FAM174A: variants seen among roughly 807,000 people sequenced by gnomAD.
FAM174A encodes membrane protein FAM174A.
Under a neutral mutation model 14.3 loss-of-function variants are expected in FAM174A, and 14 were observed. That is an observed-to-expected ratio of 0.98 (90% CI 0.65 to 1.53). The LOEUF (loss-of-function observed/expected upper bound fraction) is 1.53. Among genes scored for constraint, FAM174A ranks in the 40% most tolerant of loss-of-function variants. The pLI is 0.00. For missense variants in FAM174A, 241 were observed against 249.6 expected (o/e 0.97, Z 0.23); for synonymous variants, 108 against 111.4 (o/e 0.97, Z 0.19).
intron 1 of FAM174A, among the ~76,000 whole-genome samples, chr5:100,552,013 C>T (rs138073705): frequency 3.6e-4 from 55 of 152,212 alleles, no homozygotes; most frequent in African/African-American, 1.2e-3. Flanking sequence ...CGCAGTTCAA[C>T]CTGTAACATG....
chr5:100,559,053 C>T (rs1390420100), intron 1 of FAM174A, among the ~76,000 whole-genome samples: 2 of 152,090 alleles, frequency 1.3e-5, no homozygotes, highest in Admixed American at 1.3e-4. Flanking sequence ...TACAGTTTAG[C>T]ATGTTTTTGC....
intron 2 of FAM174A, among the ~76,000 whole-genome samples, chr5:100,563,034 A>G (rs999008040): frequency 6.6e-6 from 1 of 151,852 alleles, no homozygotes; most frequent in African/African-American, 2.4e-5. Context: ...GACTCAACAA[A>G]AATTGGACTA....
Position 100,535,971 on chromosome 5 carries a change from C to T in FAM174A, c.434+7C>T, listed in dbSNP as rs1745935286. The T allele has an allele frequency of 6.4e-7, 1 of 1,559,510 alleles. No homozygotes were observed. The highest frequency in any genetic ancestry group is 1.8e-5 in the Admixed American group (1 of 55,652). On this transcript the variant is annotated splice_region_variant and intron_variant, in intron 1 of 2. Transcript: ENST00000312637. ...TCGTGGTCAGGACGGTCAGGTGAGG[C>T]AAAGCCTCGGTGGGGCACCCCCGTG...
chr5:100,569,935 C>T (rs1368020325), intron 2 of FAM174A, among the ~76,000 whole-genome samples: 1 of 151,818 alleles, frequency 6.6e-6, no homozygotes, highest in Non-Finnish European at 1.5e-5. Context: ...GGGAATAATG[C>T]TCTTCTCTAA....
intron 2 of FAM174A, among the ~76,000 whole-genome samples, chr5:100,569,839 T>G (rs1000629669): frequency 1.3e-4 from 19 of 150,786 alleles, no homozygotes; most frequent in Non-Finnish European, 2.4e-4. Context: ...TATATGGAGA[T>G]ATATATATAT....
chr5:100,569,391 T>TTATA (rs34722898), intron 2 of FAM174A, among the ~76,000 whole-genome samples: 30,212 of 150,102 alleles, frequency 0.2, 3,199 homozygotes, highest in African/African-American at 0.23. Context: ...GAGGCTATTA[T>TTATA]TATATATATA....
intron 2 of FAM174A, among the ~76,000 whole-genome samples, chr5:100,568,231 A>G (rs527367486): frequency 6.6e-6 from 1 of 151,782 alleles, no homozygotes; most frequent in Non-Finnish European, 1.5e-5. Flanking sequence ...GGTCAGTGGG[A>G]GCGTCTTCAA....
intron 1 of FAM174A, among the ~76,000 whole-genome samples, chr5:100,547,386 T>C (rs1746184895): frequency 6.6e-6 from 1 of 152,130 alleles, no homozygotes; most frequent in South Asian, 2.1e-4. Context: ...AACAATGCAC[T>C]GATTGGCCAC....
chr5:100,541,393 A>T (rs1233536231), intron 1 of FAM174A, among the ~76,000 whole-genome samples: 5 of 152,128 alleles, frequency 3.3e-5, no homozygotes, highest in Non-Finnish European at 7.4e-5. Flanking sequence ...AAGACTAAAT[A>T]TTTATCTCTA....
chr5:100,562,761 T>C (rs1411946663), intron 2 of FAM174A, among the ~76,000 whole-genome samples: 1 of 151,878 alleles, frequency 6.6e-6, no homozygotes, highest in Non-Finnish European at 1.5e-5. Flanking sequence ...TATGGTCTGA[T>C]CATGTAGCTG....
chr5:100,578,244 A>G (rs142963111), intron 2 of FAM174A, among the ~76,000 whole-genome samples: 1 of 152,308 alleles, frequency 6.6e-6, no homozygotes, highest in African/African-American at 2.4e-5. Flanking sequence ...GCAACAGGAC[A>G]TAATCATATA....
At chr5:100,537,487 T>C (rs1485956558) in intron 1 of FAM174A, among the ~76,000 whole-genome samples, 4 of 152,218 alleles carry the variant, frequency 2.6e-5, no homozygotes, top group Admixed American at 1.3e-4. Flanking sequence ...AAAGTTGATA[T>C]GTGTAATTCA....
At chr5:100,581,466 A>G (rs1747014968) in intron 2 of FAM174A, 2 of 826,304 alleles carry the variant, frequency 2.4e-6, no homozygotes, top group South Asian at 5.5e-5. Context: ...ATAAGAGCCT[A>G]TGAAGGCCCA....
chr5:100,551,078 A>G (rs531700598), intron 1 of FAM174A, among the ~76,000 whole-genome samples: 1 of 152,278 alleles, frequency 6.6e-6, no homozygotes, highest in African/African-American at 2.4e-5. Context: ...GTAGGCAGAG[A>G]TAGTGAATTA....
intron 1 of FAM174A, among the ~76,000 whole-genome samples, chr5:100,541,995 A>G (rs566922003): frequency 6.6e-6 from 1 of 152,268 alleles, no homozygotes; most frequent in South Asian, 2.1e-4. Context: ...TCTACAAGCT[A>G]ATGTCTGGAG....
At chr5:100,559,299 A>G (rs1388767747) in intron 1 of FAM174A, among the ~76,000 whole-genome samples, 2 of 152,214 alleles carry the variant, frequency 1.3e-5, no homozygotes, top group Non-Finnish European at 1.5e-5. Flanking sequence ...GTTTCTGCCA[A>G]GAGATCAGCT....
intron 2 of FAM174A, among the ~76,000 whole-genome samples, chr5:100,571,816 A>G (rs1746787327): frequency 6.6e-6 from 1 of 151,720 alleles, no homozygotes; most frequent in African/African-American, 2.4e-5. Context: ...CAAGGTTGCT[A>G]CAAATACCCT....
chr5:100,558,264 T>A (rs1035105683), intron 1 of FAM174A, among the ~76,000 whole-genome samples: 3 of 152,158 alleles, frequency 2.0e-5, no homozygotes, highest in Non-Finnish European at 2.9e-5. Flanking sequence ...GAGTTTCTTA[T>A]TCCTGAGTTC....
At chr5:100,566,155 T>TATATATATATATATATAC (rs1561320272) in intron 2 of FAM174A, among the ~76,000 whole-genome samples, 4 of 141,320 alleles carry the variant, frequency 2.8e-5, no homozygotes, top group Non-Finnish European at 4.6e-5. Flanking sequence ...TATATATATA[T>TATATATATATATATATAC]ATATATATAT....
Sources: gnomAD v4.1 joint callset for allele counts (sites outside exome capture counted in the v4.1 genomes callset) on GRCh38, gnomAD v4.1.1 for gene constraint, MANE v1.5 for transcripts, NCBI Gene and HGNC (gene_info 2026-07-23, HGNC 2026-07-21) for gene names.